CGREF1: variants seen among roughly 807,000 people sequenced by gnomAD.
CGREF1 encodes cell growth regulator with EF-hand domain 1.
A neutral mutation model predicts 17.4 loss-of-function variants in CGREF1; 16 were observed. That is an observed-to-expected ratio of 0.92 (90% CI 0.62 to 1.40). The LOEUF is 1.40. Ranked by LOEUF, CGREF1 falls within the 40% of genes most tolerant of loss-of-function variation. The probability of loss-of-function intolerance (pLI) is 0.00; values close to 1 mark genes in which losing one functional copy is unlikely to be tolerated. For missense variants in CGREF1, 296 were observed against 376.4 expected (o/e 0.79, Z 1.77); for synonymous variants, 142 against 154.6 (o/e 0.92, Z 0.61).
At chr2:27,104,487 C>T in intron 1 of CGREF1, 110 bp from the exon 2 acceptor site, 1 of 1,552,862 alleles carries the variant, frequency 6.4e-7, no homozygotes, top group Non-Finnish European at 8.7e-7. Context: ...TACCTGCAGC[C>T]CCAAAGACAG....
At position 27,101,889 on chromosome 2, in the gene CGREF1, C is replaced by G. The variant is rs996472713; in HGVS notation, c.343-1G>C. 1.9e-6 allele frequency: 3 copies of G among 1,609,166 alleles called. No homozygotes were observed. The highest frequency in any genetic ancestry group is 2.5e-6 in the Non-Finnish European group (3 of 1,177,778). Reference sequence around the variant, plus strand: ...GCACTTTGTCCACTATCAAGATCACCTGTGGAAGCAGAGTCACTGTGGGGT... The same window carrying G: ...GCACTTTGTCCACTATCAAGATCACGTGTGGAAGCAGAGTCACTGTGGGGT... On this transcript the variant is annotated splice_acceptor_variant, in intron 5 of 5. Coordinates refer to ENST00000402394, the MANE Select transcript of CGREF1 (RefSeq NM_006569.6). LOFTEE classifies it high-confidence loss of function.
chr2:27,101,048 G>T lies in CGREF1; in HGVS notation c.*226C>A. The T allele has an allele frequency of 7.5e-7, 1 of 1,331,904 alleles. No homozygotes were observed. The highest frequency in any genetic ancestry group is 9.5e-7 in the Non-Finnish European group (1 of 1,049,470). The allele number at this position is 1,331,904 out of a possible 1,614,324, so 82.5% of individuals were successfully genotyped here. On this transcript the variant is annotated 3_prime_UTR_variant, in exon 6 of 6. Coordinates refer to ENST00000402394, the MANE Select transcript of CGREF1 (RefSeq NM_006569.6). ...CGTTCCTCTGAGAGGGTCTGGGCAGGCTGGACGGGTAGAGAGGTGGCCGGG... is the reference window on the plus strand; with the variant it reads ...CGTTCCTCTGAGAGGGTCTGGGCAGTCTGGACGGGTAGAGAGGTGGCCGGG...
intron 1 of CGREF1, among the ~76,000 whole-genome samples, chr2:27,115,574 T>C (rs947897124): frequency 1.3e-5 from 2 of 152,202 alleles, no homozygotes; most frequent in African/African-American, 2.4e-5. Flanking sequence ...CTGTCTCTGG[T>C]ATTTTCTCCA....
intron 1 of CGREF1, among the ~76,000 whole-genome samples, chr2:27,107,522 G>A (rs894710831): frequency 4.6e-5 from 7 of 151,704 alleles, no homozygotes; most frequent in African/African-American, 1.7e-4. Context: ...CAAAGTGCTG[G>A]GATTACAGGC....
rs1200496147 is a variant in CGREF1 at position 27,106,158 on chromosome 2, A to G, written c.-11-1781T>C. ...AAACATTCAGACTTCCACTTCTGGGAGTGTAATAGTAAATGTCCCAATGAA... is the reference window on the plus strand; with the variant it reads ...AAACATTCAGACTTCCACTTCTGGGGGTGTAATAGTAAATGTCCCAATGAA... On this transcript the variant is annotated intron_variant, in intron 1 of 5. Transcript: ENST00000402394. Among the ~76,000 whole-genome samples the G allele has an allele frequency of 3.3e-5, 5 of 152,354 alleles. No individual in the cohort carries two copies. The East Asian group carries it at 9.6e-4, about 29-fold the overall frequency.
downstream of CGREF1, chr2:27,099,914 G>GGGGGGATGGCT (rs1239171802): frequency 5.6e-5 from 84 of 1,490,580 alleles, 1 homozygote; most frequent in Middle Eastern, 7.0e-4. Flanking sequence ...GAGAGGCTCT[G>GGGGGGATGGCT]GGGGGATGGC....
downstream of CGREF1, chr2:27,099,736 G>A: frequency 6.2e-7 from 1 of 1,614,100 alleles, no homozygotes; most frequent in Non-Finnish European, 8.5e-7. Flanking sequence ...GCAGGGCTTT[G>A]ATGGCATCGT....
At chr2:27,114,055 C>T (rs1003780082) in intron 1 of CGREF1, among the ~76,000 whole-genome samples, 3 of 137,346 alleles carry the variant, frequency 2.2e-5, no homozygotes, top group South Asian at 2.3e-4. Context: ...AGTGCAGTGG[C>T]GTGATCTCGG....
chr2:27,107,207 GT>G (rs1352011634), intron 1 of CGREF1, among the ~76,000 whole-genome samples: 1 of 152,160 alleles, frequency 6.6e-6, no homozygotes, highest in African/African-American at 2.4e-5. Flanking sequence ...GAAAAGCTGT[GT>G]TGGAATTGTT....
chr2:27,104,927 A>G (rs1448702845), intron 1 of CGREF1, among the ~76,000 whole-genome samples: 1 of 152,258 alleles, frequency 6.6e-6, no homozygotes, highest in Admixed American at 6.5e-5. Flanking sequence ...TACAAACTGC[A>G]AACACAATAA....
chr2:27,100,343 G>C, downstream of CGREF1: 2 of 987,738 alleles, frequency 2.0e-6, no homozygotes, highest in Non-Finnish European at 2.8e-6. Context: ...GATTTGATGG[G>C]GTCTTCATTG....
intron 1 of CGREF1, among the ~76,000 whole-genome samples, chr2:27,111,958 G>C (rs188957201): frequency 6.6e-6 from 1 of 152,234 alleles, no homozygotes; most frequent in Non-Finnish European, 1.5e-5. Context: ...CGCGGCCAGA[G>C]TGGGCGCCAA....
At position 27,118,278 on chromosome 2, in the gene CGREF1, G is replaced by A. The variant is rs145522666; in HGVS notation, c.-12+568C>T. Among the ~76,000 whole-genome samples the A allele has an allele frequency of 4.2e-3, 645 of 152,230 alleles. 1 individual carries two copies. The highest frequency in any genetic ancestry group is 6.5e-3 in the Non-Finnish European group (439 of 68,006). ...ACAGGAACCTAGCACCTCACAGGCC[G>A]GCAGTTCCATCTCCTGTAGAGTCGA... On this transcript the variant is annotated intron_variant, in intron 1 of 5. Transcript: ENST00000402394.
At chr2:27,102,326 T>TCC (rs1670917314) in intron 4 of CGREF1, 34 bp downstream of exon 4, 2 of 1,612,668 alleles carry the variant, frequency 1.2e-6, no homozygotes, top group African/African-American at 1.3e-5. Context: ...GCCCAGAGCC[T>TCC]CCCGTCCCTG....
chr2:27,115,781 C>T (rs1281147620), intron 1 of CGREF1, among the ~76,000 whole-genome samples: 1 of 152,226 alleles, frequency 6.6e-6, no homozygotes, highest in Non-Finnish European at 1.5e-5. Flanking sequence ...CTGCTTCAAA[C>T]CAAGGAGTTA....
chr2:27,116,914 T>TCCCTCC (rs1671602558), intron 1 of CGREF1, among the ~76,000 whole-genome samples: 1 of 98,224 alleles, frequency 1.0e-5, no homozygotes, highest in African/African-American at 4.0e-5. Context: ...TCTCTCTCTC[T>TCCCTCC]CTCTCTCTCT....
chr2:27,101,217 A>ACTT lies in CGREF1; in HGVS notation c.*54_*56dup. 1 of 1,513,940 alleles carries ACTT rather than the reference A, an allele frequency of 6.6e-7. No individual in the cohort carries two copies. The highest frequency in any genetic ancestry group is 8.8e-7 in the Non-Finnish European group (1 of 1,132,838). The allele number at this position is 1,513,940 out of a possible 1,614,324, so 93.8% of individuals were successfully genotyped here. On this transcript the variant is annotated 3_prime_UTR_variant, in exon 6 of 6. Coordinates refer to ENST00000402394, the MANE Select transcript of CGREF1 (RefSeq NM_006569.6). ...GTCCCAGCGTACATTTCCCCTGCCC[A>ACTT]CTTCAGGGCTTATGTTCTGGCACTG...
chr2:27,118,936 C>T lies in CGREF1; in HGVS notation c.-102G>A, dbSNP rs1031978389. The T allele has an allele frequency of 6.6e-6, 1 of 152,306 alleles. No individual in the cohort carries two copies. The highest frequency in any genetic ancestry group is 1.5e-5 in the Non-Finnish European group (1 of 68,156). 9.4% of individuals were successfully genotyped at this position (152,306 alleles called of 1,614,324 possible). A position where few individuals can be genotyped will look rare whatever the true frequency, so the allele number is the denominator to read the frequency against. On this transcript the variant is annotated 5_prime_UTR_variant, in exon 1 of 6. Transcript: ENST00000402394. ...GCGCCTCGCCTCCCGCCGCCAGCCT[C>T]CCCCGGGCCGCTCCACGTGGCCGCT...
intron 1 of CGREF1, among the ~76,000 whole-genome samples, chr2:27,107,822 T>A (rs1487426078): frequency 6.8e-6 from 1 of 147,968 alleles, no homozygotes; most frequent in African/African-American, 2.5e-5. Flanking sequence ...TAATCCCAGC[T>A]ACTCGGGAGG....
Sources: allele counts gnomAD v4.1 joint callset (sites outside exome capture counted in the v4.1 genomes callset), GRCh38; gene constraint gnomAD v4.1.1; transcripts MANE v1.5; gene names NCBI Gene and HGNC (gene_info 2026-07-23, HGNC 2026-07-21).